ERG: variants seen among roughly 807,000 people sequenced by gnomAD.
ERG encodes the protein ETS transcription factor ERG, also known as transcriptional regulator ERG.
Under a neutral mutation model 55.3 loss-of-function variants are expected in ERG, and 9 were observed. The observed-to-expected ratio is 0.16, with a 90% confidence interval of 0.10 to 0.28. The LOEUF is 0.28. ERG is among the 10% of genes least tolerant of loss of function. The probability of loss-of-function intolerance (pLI) is 1.00; values close to 1 mark genes in which losing one functional copy is unlikely to be tolerated. For synonymous variants in ERG, 223 were observed against 237.3 expected, an observed-to-expected ratio of 0.94 and a Z score of 0.55; for missense variants, 434 against 631.6, an observed-to-expected ratio of 0.69 and a Z score of 3.35.
chr21:38,496,438 C>A (rs946852730), intron 1 of ERG, among the ~76,000 whole-genome samples: 14 of 152,128 alleles, frequency 9.2e-5, no homozygotes, highest in African/African-American at 3.1e-4. Context: ...TCAGGACCTC[C>A]TTTTTCCACT....
chr21:38,623,480 T>C (rs932538580), intron 1 of ERG, among the ~76,000 whole-genome samples: 12 of 152,232 alleles, frequency 7.9e-5, no homozygotes, highest in Non-Finnish European at 1.5e-4. Flanking sequence ...ATTTTTATAA[T>C]TTACCTCTGA....
intron 3 of ERG, among the ~76,000 whole-genome samples, chr21:38,407,207 G>A (rs561084411): frequency 6.6e-6 from 1 of 152,310 alleles, no homozygotes; most frequent in African/African-American, 2.4e-5. Context: ...GTTCTTTGTA[G>A]TGTTGTTTAT....
At chr21:38,514,926 T>C (rs1273976727) in intron 2 of ERG, among the ~76,000 whole-genome samples, 1 of 152,052 alleles carries the variant, frequency 6.6e-6, no homozygotes, top group East Asian at 1.9e-4. Context: ...TATAGAATTT[T>C]AGTTTTATAT....
intron 1 of ERG, among the ~76,000 whole-genome samples, chr21:38,601,356 C>A (rs2146911394): frequency 6.6e-6 from 1 of 151,926 alleles, no homozygotes; most frequent in East Asian, 1.9e-4. Context: ...TCTTTGGTGG[C>A]AAAGGCAATG....
intron 1 of ERG, among the ~76,000 whole-genome samples, chr21:38,638,357 G>A (rs542220488): frequency 3.9e-5 from 6 of 152,278 alleles, no homozygotes; most frequent in African/African-American, 7.2e-5. Context: ...ATCACTTTGC[G>A]TGCATCTGGC....
rs2146594144 is a variant in ERG, at chr21:38,460,205, G to T, written c.19-14584C>A. On this transcript the variant is annotated intron_variant, in intron 1 of 9. Transcript: ENST00000288319. The surrounding 1 kb of genome is among the most constrained non-coding windows in gnomAD (Gnocchi z 5.0). The stretch of plus-strand genomic sequence containing the variant: ...CAATGGGACCAAGAACAGCCAGGGA[G>T]GAGGGGTTACTGGAAAGGAGCGAAA... Among the ~76,000 whole-genome samples, 1 of 152,266 alleles carries T rather than the reference G, an allele frequency of 6.6e-6. No homozygotes were observed. Among genetic ancestry groups the T allele is most frequent in the South Asian group, 2.1e-4 (1 of 4,820 alleles).
At chr21:38,552,536 G>T (rs1027844300) in intron 2 of ERG, among the ~76,000 whole-genome samples, 1 of 152,064 alleles carries the variant, frequency 6.6e-6, no homozygotes, top group Admixed American at 6.6e-5. Context: ...AACATATGCA[G>T]ATCAATAAAT....
chr21:38,445,675 T>C, intron 1 of ERG, 54 bp from the exon 2 acceptor site: 1 of 1,495,732 alleles, frequency 6.7e-7, no homozygotes, highest in Non-Finnish European at 9.3e-7. Flanking sequence ...CAGTCATGTT[T>C]CAAAAAGTTG....
intron 1 of ERG, among the ~76,000 whole-genome samples, chr21:38,480,156 G>A (rs62219570): frequency 0.073 from 11,172 of 152,220 alleles, 511 homozygotes; most frequent in East Asian, 0.2. Context: ...TGTCCTGGGT[G>A]GAGCAGGGCA....
chr21:38,398,123 A>G (rs922353749), intron 6 of ERG, among the ~76,000 whole-genome samples: 17 of 152,238 alleles, frequency 1.1e-4, no homozygotes, highest in African/African-American at 3.6e-4. Flanking sequence ...GACCACAGGG[A>G]TATCGTCAGA....
intron 2 of ERG, among the ~76,000 whole-genome samples, chr21:38,549,307 G>A (rs1031511804): frequency 1.3e-5 from 2 of 152,124 alleles, no homozygotes; most frequent in African/African-American, 4.8e-5. Flanking sequence ...GTATAGAGAA[G>A]TTCAGAATAA....
At chr21:38,593,898 G>A (rs1321582714) in intron 1 of ERG, among the ~76,000 whole-genome samples, 1 of 152,146 alleles carries the variant, frequency 6.6e-6, no homozygotes, top group Admixed American at 6.5e-5. Flanking sequence ...ATAGTATAGA[G>A]AGGCAGATAG....
chr21:38,473,426 C>CATAT (rs72247853), intron 1 of ERG, among the ~76,000 whole-genome samples: 1,689 of 148,762 alleles, frequency 0.011, 25 homozygotes, highest in African/African-American at 0.037. Flanking sequence ...TATATATATA[C>CATAT]ATATATATAT....
chr21:38,418,526 G>A (rs1989387175), intron 3 of ERG, among the ~76,000 whole-genome samples: 1 of 152,084 alleles, frequency 6.6e-6, no homozygotes. Context: ...GCCTCCCAAA[G>A]TGCTGGGATT....
At chr21:38,661,232 C>T (rs2060554313) in intron 1 of ERG, among the ~76,000 whole-genome samples, 2 of 152,148 alleles carry the variant, frequency 1.3e-5, no homozygotes, top group Admixed American at 1.3e-4. Flanking sequence ...CTCGGGGTCG[C>T]TTTTAGCGAG....
At chr21:38,444,906 A>G (rs570432264) in intron 2 of ERG, among the ~76,000 whole-genome samples, 1 of 152,244 alleles carries the variant, frequency 6.6e-6, no homozygotes, top group South Asian at 2.1e-4. Flanking sequence ...AGACGGCATT[A>G]TTTTCCAGGC....
At chr21:38,647,659 C>T (rs556432122) in intron 1 of ERG, among the ~76,000 whole-genome samples, 18 of 152,330 alleles carry the variant, frequency 1.2e-4, no homozygotes, top group African/African-American at 4.1e-4. Flanking sequence ...AATGTCACTA[C>T]TTCTTGCTGG....
At chr21:38,413,652 T>C (rs1989154957) in intron 3 of ERG, among the ~76,000 whole-genome samples, 1 of 152,232 alleles carries the variant, frequency 6.6e-6, no homozygotes, top group Admixed American at 6.5e-5. Context: ...CTGATTTATT[T>C]CTCTGGATGA....
At chr21:38,418,542 T>G (rs1601366355) in intron 3 of ERG, among the ~76,000 whole-genome samples, 1 of 151,864 alleles carries the variant, frequency 6.6e-6, no homozygotes, top group Admixed American at 6.6e-5. Flanking sequence ...GGATTACAGG[T>G]GTAAGCCACT....
Sources: gnomAD v4.1 joint callset for allele counts (sites outside exome capture counted in the v4.1 genomes callset) on GRCh38, gnomAD v4.1.1 for gene constraint, Gnocchi (gnomAD v3.1) non-coding constraint, MANE v1.5 for transcripts, NCBI Gene and HGNC (gene_info 2026-07-23, HGNC 2026-07-21) for gene names.